FARS2: variants seen among roughly 807,000 people sequenced by gnomAD.
The protein encoded by FARS2 is phenylalanine--tRNA ligase, mitochondrial.
In FARS2, 40 loss-of-function variants were observed where a neutral mutation model predicts 46.4. The observed-to-expected ratio is 0.86, with a 90% CI of 0.67 to 1.12. The LOEUF (loss-of-function observed/expected upper bound fraction) is 1.12, where lower values mean the gene tolerates loss of function less well. Among genes scored for constraint, FARS2 ranks in the 50% most tolerant of loss-of-function variants. FARS2 has a pLI of 0.00. For synonymous variants in FARS2, 234 were observed against 214.9 expected (o/e 1.09, Z -0.78); for missense variants, 513 against 567.9 (o/e 0.90, Z 0.98).
chr6:5,657,511 G>T (rs1777656505), intron 6 of FARS2, among the ~76,000 whole-genome samples: 1 of 152,196 alleles, frequency 6.6e-6, no homozygotes, highest in Admixed American at 6.5e-5. Flanking sequence ...AGACCCAGAG[G>T]TTTCCCCTCT....
chr6:5,698,080 A>C (rs76911109), intron 6 of FARS2, among the ~76,000 whole-genome samples: 7 of 152,318 alleles, frequency 4.6e-5, no homozygotes, highest in African/African-American at 1.7e-4. Context: ...ATAAAGCACC[A>C]CAGCCAGCAG....
intron 4 of FARS2, among the ~76,000 whole-genome samples, chr6:5,474,179 C>T (rs1347860036): frequency 1.3e-5 from 2 of 152,226 alleles, no homozygotes; most frequent in Non-Finnish European, 2.9e-5. Context: ...ATGCCGCTGT[C>T]TACATGTATT....
chr6:5,707,487 C>A (rs1052028775), intron 6 of FARS2, among the ~76,000 whole-genome samples: 1 of 152,166 alleles, frequency 6.6e-6, no homozygotes, highest in Non-Finnish European at 1.5e-5. Flanking sequence ...CCCAGGCCCA[C>A]AGACTTGCTC....
At chr6:5,649,749 C>A (rs546160174) in intron 6 of FARS2, among the ~76,000 whole-genome samples, 3 of 152,248 alleles carry the variant, frequency 2.0e-5, no homozygotes, top group African/African-American at 7.2e-5. Context: ...GATTGAACCC[C>A]CAGTCCATGT....
rs138583543 is a variant in FARS2, at chr6:5,494,993, C to G, written c.905-50187C>G. The stretch of plus-strand genomic sequence containing the variant: ...GCCTATTTCAGGGGTAATTGCTCTT[C>G]TCTTCAGAATACACCTCCTAAAATG... On this transcript the variant is annotated intron_variant, in intron 4 of 6. Transcript: ENST00000274680. 4.3e-3 allele frequency among the ~76,000 whole-genome samples: 662 copies of G among 152,340 alleles called. 10 individuals are homozygous for G. Among genetic ancestry groups the G allele is most frequent in the African/African-American group, 0.015 (635 of 41,574 alleles).
intron 5 of FARS2, among the ~76,000 whole-genome samples, chr6:5,564,049 T>C (rs574528983): frequency 6.6e-5 from 10 of 152,220 alleles, no homozygotes; most frequent in Non-Finnish European, 1.3e-4. Flanking sequence ...AGTAAAACTT[T>C]CATGCTTCCT....
intron 6 of FARS2, among the ~76,000 whole-genome samples, chr6:5,628,069 A>T (rs1308652089): frequency 6.6e-6 from 1 of 152,242 alleles, no homozygotes; most frequent in Admixed American, 6.5e-5. Context: ...CCTATACAAA[A>T]TACAGTTTTA....
At chr6:5,505,945 T>G (rs1321555473) in intron 4 of FARS2, among the ~76,000 whole-genome samples, 6 of 152,130 alleles carry the variant, frequency 3.9e-5, no homozygotes, top group African/African-American at 1.4e-4. Context: ...GCCAGAAGAG[T>G]CTTTTCTTTT....
chr6:5,668,295 A>G (rs1177207577), intron 6 of FARS2, among the ~76,000 whole-genome samples: 1 of 152,208 alleles, frequency 6.6e-6, no homozygotes, highest in Non-Finnish European at 1.5e-5. Context: ...CCACATGAGC[A>G]AATATTTAAT....
chr6:5,279,967 G>T lies in FARS2; in HGVS notation c.-22+18307G>T, dbSNP rs570942071. Among the ~76,000 whole-genome samples, 3 of 152,308 alleles carry T rather than the reference G, an allele frequency of 2.0e-5. No homozygotes were observed. The East Asian group carries it at 5.8e-4, about 29-fold the overall frequency. On this transcript the variant is annotated intron_variant, in intron 1 of 6. Transcript: ENST00000274680. ...AAATATCTGGGCACCCCAAGGCCCA[G>T]TCATGTTGACGTAAGACTAACCGTT...
chr6:5,668,220 T>C (rs1298769300), intron 6 of FARS2: 3 of 152,236 alleles, frequency 2.0e-5, no homozygotes, highest in African/African-American at 4.8e-5. Flanking sequence ...ATTTTACTTA[T>C]AAATGGTGAT....
At position 5,296,129 on chromosome 6, in the gene FARS2, C is replaced by CTTTTTTTTTTTT. The variant is rs70974187; in HGVS notation, c.-22+34488_-22+34499dup. On this transcript the variant is annotated intron_variant, in intron 1 of 6. Coordinates refer to ENST00000274680, the MANE Select transcript of FARS2 (RefSeq NM_006567.5). ...CAAACATAAAAATTATCATTTTGGCCTTTTTTTTTTTTTTTTTTTTTTTTT... is the reference window on the plus strand; with the variant it reads ...CAAACATAAAAATTATCATTTTGGCCTTTTTTTTTTTTTTTTTTTTTTTTTTTTTTTTTTTTT... 2.0e-4 allele frequency among the ~76,000 whole-genome samples: 11 copies of CTTTTTTTTTTTT among 55,040 alleles called. 3 individuals carry two copies. The highest frequency in any genetic ancestry group is 5.8e-4 in the Admixed American group (2 of 3,442). The allele number at this position is 55,040 out of a possible 152,430, so 36.1% of individuals were successfully genotyped here. A position where few individuals can be genotyped will look rare whatever the true frequency, so the allele number is the denominator to read the frequency against.
At chr6:5,449,697 G>A (rs1764376480) in intron 4 of FARS2, among the ~76,000 whole-genome samples, 1 of 152,170 alleles carries the variant, frequency 6.6e-6, no homozygotes, top group South Asian at 2.1e-4. Context: ...GATTTTGTGT[G>A]TGTGTGTTTT....
chr6:5,534,277 A>G (rs569669464), intron 4 of FARS2, among the ~76,000 whole-genome samples: 2 of 152,348 alleles, frequency 1.3e-5, no homozygotes, highest in East Asian at 3.9e-4. Context: ...TTGTGATAAA[A>G]TGTTACATAA....
chr6:5,600,353 A>C (rs1774440660), intron 5 of FARS2, among the ~76,000 whole-genome samples: 1 of 152,258 alleles, frequency 6.6e-6, no homozygotes. Flanking sequence ...ACAGAACAAA[A>C]GTTGCCTGAG....
chr6:5,411,868 A>G (rs553562828), intron 3 of FARS2, among the ~76,000 whole-genome samples: 5 of 152,168 alleles, frequency 3.3e-5, no homozygotes, highest in Non-Finnish European at 7.4e-5. Flanking sequence ...TGTTTTCTGT[A>G]TATTTTGTAC....
intron 6 of FARS2, among the ~76,000 whole-genome samples, chr6:5,728,382 T>C (rs1440008706): frequency 1.3e-5 from 2 of 152,136 alleles, no homozygotes; most frequent in Non-Finnish European, 2.9e-5. Context: ...GTTTTTGTTT[T>C]TTGTTTTGCT....
At chr6:5,341,408 A>G (rs1197571918) in intron 1 of FARS2, among the ~76,000 whole-genome samples, 3 of 148,838 alleles carry the variant, frequency 2.0e-5, no homozygotes, top group African/African-American at 4.9e-5. Context: ...CTAATCGTCT[A>G]TGTATTTGCG....
intron 6 of FARS2, among the ~76,000 whole-genome samples, chr6:5,651,606 A>T (rs1042199943): frequency 1.3e-5 from 2 of 152,242 alleles, no homozygotes; most frequent in Non-Finnish European, 2.9e-5. Context: ...AGACTGGAGC[A>T]GAGCTGAAGG....
Sources: allele counts gnomAD v4.1 joint callset (sites outside exome capture counted in the v4.1 genomes callset), GRCh38; gene constraint gnomAD v4.1.1; transcripts MANE v1.5; gene names NCBI Gene and HGNC (gene_info 2026-07-23, HGNC 2026-07-21).